SLC15A1: variants seen among roughly 807,000 people sequenced by gnomAD.
SLC15A1 encodes solute carrier family 15 member 1, also known as Caco-2 oligopeptide transporter.
Under a neutral mutation model 92.9 loss-of-function variants are expected in SLC15A1, and 83 were observed. That is an observed-to-expected ratio of 0.89 (90% CI 0.75 to 1.07). SLC15A1 has a LOEUF of 1.07. SLC15A1 is among the 50% of genes least tolerant of loss of function. The pLI is 0.00. For synonymous variants in SLC15A1, 322 were observed against 318.2 expected (o/e 1.01, Z -0.13); for missense variants, 857 against 880.1 (o/e 0.97, Z 0.33).
Position 98,734,944 on chromosome 13 carries a change from A to G in SLC15A1, c.5-8085T>C, listed in dbSNP as rs149259210. ...TACCATTCCTTCTGAAACTATTCCA[A>G]TCAATAGAAAAAGAGGGAATCCTCC... On this transcript the variant is annotated intron_variant, in intron 1 of 22. Coordinates refer to ENST00000376503, the MANE Select transcript of SLC15A1 (RefSeq NM_005073.4). 4.7e-3 allele frequency among the ~76,000 whole-genome samples: 713 copies of G among 152,348 alleles called. 7 individuals carry two copies. The highest frequency in any genetic ancestry group is 0.024 in the Middle Eastern group (7 of 294).
chr13:98,724,081 CCA>C, intron 4 of SLC15A1, 50 bp from the exon 5 acceptor site: 1 of 1,605,984 alleles, frequency 6.2e-7, no homozygotes, highest in Non-Finnish European at 8.5e-7. Flanking sequence ...CAATAGCCAT[CCA>C]CTTTTGACTC....
chr13:98,752,491 C>A, intron 1 of SLC15A1, 104 bp downstream of exon 1: 3 of 1,113,224 alleles, frequency 2.7e-6, no homozygotes, highest in Non-Finnish European at 3.4e-6. Flanking sequence ...CGCCCCGCTT[C>A]CCGCCGCCGC....
At chr13:98,702,454 C>G (rs1466353444) in intron 18 of SLC15A1, 26 bp downstream of exon 18, 1 of 1,546,522 alleles carries the variant, frequency 6.5e-7, no homozygotes, top group Admixed American at 1.7e-5. Context: ...TCTGATAAAA[C>G]TTAAATTTTA....
intron 1 of SLC15A1, 51 bp downstream of exon 1, chr13:98,752,544 C>A: frequency 7.9e-7 from 1 of 1,271,070 alleles, no homozygotes. Context: ...GCCCCCGCCC[C>A]GCGTAGCTCC....
At chr13:98,703,760 G>A (rs7339292) in intron 17 of SLC15A1, among the ~76,000 whole-genome samples, 57,391 of 151,478 alleles carry the variant, frequency 0.38, 13,638 homozygotes, top group Non-Finnish European at 0.54. Flanking sequence ...GTCTCACTGC[G>A]TTGTCCAGGC....
intron 2 of SLC15A1, 93 bp from the exon 3 acceptor site, chr13:98,726,542 C>T: frequency 8.8e-7 from 1 of 1,139,284 alleles, no homozygotes; most frequent in Non-Finnish European, 1.3e-6. Flanking sequence ...GCAGCCAACG[C>T]AGATTCAGTA....
chr13:98,702,336 TG>T, intron 18 of SLC15A1, 143 bp downstream of exon 18: 1 of 673,680 alleles, frequency 1.5e-6, no homozygotes, highest in African/African-American at 1.8e-5. Context: ...TTGATTTTTT[TG>T]GGGAATATTC....
chr13:98,702,179 A>AGGGT (rs1365275419), intron 18 of SLC15A1, among the ~76,000 whole-genome samples: 1 of 152,172 alleles, frequency 6.6e-6, no homozygotes, highest in African/African-American at 2.4e-5. Flanking sequence ...GTCCTTTTTC[A>AGGGT]GGGTAAGGAA....
intron 18 of SLC15A1, among the ~76,000 whole-genome samples, chr13:98,700,052 C>T (rs1336239009): frequency 6.6e-6 from 1 of 152,170 alleles, no homozygotes; most frequent in Non-Finnish European, 1.5e-5. Flanking sequence ...TTACATTGAG[C>T]TTTTAGAGTA....
chr13:98,706,394 C>A, intron 15 of SLC15A1, 141 bp from the exon 16 acceptor site: 1 of 872,242 alleles, frequency 1.1e-6, no homozygotes, highest in Non-Finnish European at 1.8e-6. Flanking sequence ...CACTAAGCTG[C>A]CAATCACAGA....
intron 9 of SLC15A1, among the ~76,000 whole-genome samples, chr13:98,714,637 G>C (rs2088197495): frequency 9.0e-6 from 1 of 111,330 alleles, no homozygotes. Flanking sequence ...CTGGGCGACA[G>C]AGCAAGACTC....
chr13:98,752,228 C>G (rs2088552219), intron 1 of SLC15A1, among the ~76,000 whole-genome samples: 2 of 152,264 alleles, frequency 1.3e-5, no homozygotes, highest in South Asian at 4.1e-4. Context: ...CACAAGGCTT[C>G]CGCCAGTTAG....
chr13:98,706,483 A>G (rs1289631022), intron 15 of SLC15A1, among the ~76,000 whole-genome samples: 1 of 152,172 alleles, frequency 6.6e-6, no homozygotes, highest in Non-Finnish European at 1.5e-5. Flanking sequence ...CCCAAATCTC[A>G]TCTTGAATTG....
chr13:98,721,211 C>A, intron 7 of SLC15A1: 1 of 578,448 alleles, frequency 1.7e-6, no homozygotes. Context: ...TACCTCTTAC[C>A]ACGAGCATGA....
intron 1 of SLC15A1, among the ~76,000 whole-genome samples, chr13:98,739,361 G>A (rs1280442169): frequency 6.6e-6 from 1 of 152,138 alleles, no homozygotes; most frequent in Non-Finnish European, 1.5e-5. Context: ...GGAGGCCAGG[G>A]GGAATGATAC....
chr13:98,720,339 T>A (rs556815239), intron 7 of SLC15A1, among the ~76,000 whole-genome samples: 8 of 152,314 alleles, frequency 5.3e-5, no homozygotes, highest in African/African-American at 1.9e-4. Flanking sequence ...CTTTAACAGA[T>A]TCTATAATTT....
intron 22 of SLC15A1, 149 bp from the exon 23 acceptor site, chr13:98,685,064 G>T: frequency 1.4e-6 from 1 of 692,116 alleles, no homozygotes; most frequent in Non-Finnish European, 2.4e-6. Flanking sequence ...AACCAATACA[G>T]ATACAGTAAG....
At chr13:98,733,750 G>A (rs531074641) in intron 1 of SLC15A1, among the ~76,000 whole-genome samples, 196 of 152,342 alleles carry the variant, frequency 1.3e-3, no homozygotes, top group Non-Finnish European at 1.9e-3. Context: ...TCCTAGCCAT[G>A]TGGCCTTGAT....
Position 98,714,749 on chromosome 13 carries a change from G to T in SLC15A1, c.723+1129C>A, listed in dbSNP as rs537145625. On this transcript the variant is annotated intron_variant, in intron 9 of 22. Transcript: ENST00000376503. Reference sequence around the variant, plus strand: ...GTAAGTGATCTAAAATTATCTTAAGGCTGCCTTTTCATCCATAAGATTCAC... The same window carrying T: ...GTAAGTGATCTAAAATTATCTTAAGTCTGCCTTTTCATCCATAAGATTCAC... Among the ~76,000 whole-genome samples the T allele has an allele frequency of 1.9e-4, 29 of 151,538 alleles. No homozygotes were observed. In the South Asian group the frequency reaches 5.0e-3, roughly 26 times the overall value.
Sources: allele counts gnomAD v4.1 joint callset (sites outside exome capture counted in the v4.1 genomes callset), GRCh38; gene constraint gnomAD v4.1.1; transcripts MANE v1.5; gene names NCBI Gene and HGNC (gene_info 2026-07-23, HGNC 2026-07-21).